Variants in SERPINE3 observed in about 807,000 individuals in gnomAD.
The protein encoded by SERPINE3 is serpin family E member 3, also known as serpin E3.
A neutral mutation model predicts 41.7 loss-of-function variants in SERPINE3; 43 were observed. The observed-to-expected ratio is 1.03, with a 90% CI of 0.81 to 1.33. The LOEUF (loss-of-function observed/expected upper bound fraction) is 1.33, where lower values mean the gene tolerates loss of function less well. Among genes scored for constraint, SERPINE3 ranks in the 40% most tolerant of loss-of-function variants. The probability of loss-of-function intolerance (pLI) is 0.00; values close to 1 mark genes in which losing one functional copy is unlikely to be tolerated. For synonymous variants in SERPINE3, 200 were observed against 192.2 expected, an observed-to-expected ratio of 1.04 and a Z score of -0.34; for missense variants, 440 against 491.7, an observed-to-expected ratio of 0.89 and a Z score of 0.99.
Position 51,341,137 on chromosome 13 carries a change from C to T in SERPINE3, c.46C>T (p.Leu16Phe), listed in dbSNP as rs1566190464. The change falls in exon 3 of 10, where the codon CTC becomes TTC. Residue 16 changes from leucine (L) to phenylalanine (F), a missense_variant. Physicochemically the swap from Leu to Phe is conservative, Grantham distance 22 (BLOSUM62 0). Transcript: ENST00000681248. ...CCTCTTCCTCTTTCACTCTTGCTGC[C>T]TCCGAGCAAATGGCCACCTCCGTGA... ...ITLFLFHSCC[L>F]RANGHLREGM... The T allele has an allele frequency of 6.2e-7, 1 of 1,614,030 alleles. No individual in the cohort carries two copies. The highest frequency in any genetic ancestry group is 1.7e-5 in the Admixed American group (1 of 60,034).
At chr13:51,356,919 C>T (rs770508072) in intron 7 of SERPINE3, among the ~76,000 whole-genome samples, 2 of 152,040 alleles carry the variant, frequency 1.3e-5, no homozygotes, top group African/African-American at 2.4e-5. Flanking sequence ...ATTCACATTT[C>T]CTACTGACAA....
At chr13:51,347,787 A>G (rs989457266) in intron 5 of SERPINE3, among the ~76,000 whole-genome samples, 1 of 152,102 alleles carries the variant, frequency 6.6e-6, no homozygotes, top group African/African-American at 2.4e-5. Flanking sequence ...CAGGCTGTCT[A>G]CAGTATGCCC....
chr13:51,349,981 ACT>A (rs1033973698), intron 6 of SERPINE3, among the ~76,000 whole-genome samples: 2 of 152,004 alleles, frequency 1.3e-5, no homozygotes, highest in Non-Finnish European at 2.9e-5. Flanking sequence ...AAAAGTAAAA[ACT>A]CTCTTAGGTC....
intron 7 of SERPINE3, among the ~76,000 whole-genome samples, chr13:51,359,818 TCA>T (rs1366241565): frequency 6.6e-6 from 1 of 152,088 alleles, no homozygotes; most frequent in Non-Finnish European, 1.5e-5. Context: ...GCACTGCATT[TCA>T]GTTTGCTTAA....
Position 51,362,220 on chromosome 13 carries a change from CT to C in SERPINE3, c.1171+333del, listed in dbSNP as rs1346636206. ...AGTAAAATAAATTATAAATCTTGCC[CT>C]TTTTTCCCTTTGTCCCCTAGCTTTC... On this transcript the variant is annotated intron_variant, in intron 9 of 9. Coordinates refer to ENST00000681248, the MANE Select transcript of SERPINE3 (RefSeq NM_001386375.1). 15 of 539,614 alleles carry C rather than the reference CT, an allele frequency of 2.8e-5. No homozygotes were observed. In the East Asian group the frequency reaches 5.8e-4, roughly 21 times the overall value. The allele number at this position is 539,614 out of a possible 1,614,324, so 33.4% of individuals were successfully genotyped here. A position where few individuals can be genotyped will look rare whatever the true frequency, so the allele number is the denominator to read the frequency against.
In SERPINE3 at chr13:51,341,151, C is replaced by A; in HGVS notation, c.60C>A (p.Gly20=). 2 of 1,613,934 alleles carry A rather than the reference C, an allele frequency of 1.2e-6. No individual in the cohort carries two copies. The highest frequency in any genetic ancestry group is 1.7e-6 in the Non-Finnish European group (2 of 1,179,794). The change falls in exon 3 of 10, where the codon GGC becomes GGA. Residue 20 remains glycine (G), a synonymous_variant. Coordinates refer to ENST00000681248, the MANE Select transcript of SERPINE3 (RefSeq NM_001386375.1). ...ACTCTTGCTGCCTCCGAGCAAATGG[C>A]CACCTCCGTGAAGGAATGACATTGC... ...LFHSCCLRAN[G]HLREGMTLLK... is the part of the protein sequence containing the mutation.
chr13:51,362,005 T>C (rs761838499), intron 9 of SERPINE3, 112 bp downstream of exon 9: 1 of 1,609,380 alleles, frequency 6.2e-7, no homozygotes, highest in African/African-American at 1.3e-5. Flanking sequence ...TAGCTGTTTT[T>C]ATGGTGCTTC....
intron 7 of SERPINE3, among the ~76,000 whole-genome samples, chr13:51,358,801 T>C (rs759627488): frequency 6.6e-6 from 1 of 152,024 alleles, no homozygotes; most frequent in African/African-American, 2.4e-5. Flanking sequence ...AGGAAGAGTA[T>C]CACCCCTTTG....
chr13:51,362,763 T>C (rs1476536567), intron 9 of SERPINE3: 2 of 152,476 alleles, frequency 1.3e-5, no homozygotes, highest in African/African-American at 4.8e-5. Flanking sequence ...AAGGAAATAC[T>C]GTCAACATCA....
In SERPINE3 at chr13:51,344,397, G is replaced by A. The variant is rs781632840; in HGVS notation, c.402G>A (p.Trp134Ter). 5 of 1,612,142 alleles carry A rather than the reference G, an allele frequency of 3.1e-6. No homozygotes were observed. The Admixed American group carries it at 6.7e-5, about 22-fold the overall frequency. The change falls in exon 4 of 10, where the codon TGG (tryptophan) becomes TGA (stop). Residue 134 changes from tryptophan (W) to a stop codon, truncating the protein, a stop_gained. Transcript: ENST00000681248. LOFTEE classifies it high-confidence loss of function. ...GCTTTGTGGAGCACGTCTCCTGGTGGGCTAACAGCAGCCTGGAACCAGCCG... is the reference window on the plus strand; with the variant it reads ...GCTTTGTGGAGCACGTCTCCTGGTGAGCTAACAGCAGCCTGGAACCAGCCG... ...SPCFVEHVSW[W>*]ANSSLEPADL...
intron 3 of SERPINE3, 52 bp downstream of exon 3, chr13:51,341,399 A>T: frequency 2.7e-6 from 4 of 1,494,994 alleles, no homozygotes; most frequent in Non-Finnish European, 3.6e-6. Context: ...TCACACTCAC[A>T]CTCTCTCCAG....
At chr13:51,358,830 G>A (rs1164313266) in intron 7 of SERPINE3, among the ~76,000 whole-genome samples, 1 of 152,034 alleles carries the variant, frequency 6.6e-6, no homozygotes, top group Admixed American at 6.6e-5. Flanking sequence ...ATAGAATGTT[G>A]TATTGTAGGA....
chr13:51,355,170 T>G, intron 7 of SERPINE3, 27 bp downstream of exon 7: 1 of 1,158,874 alleles, frequency 8.6e-7, no homozygotes, highest in Non-Finnish European at 1.3e-6. Flanking sequence ...TTCCAAACGT[T>G]CTAGCCGTGT....
intron 7 of SERPINE3, among the ~76,000 whole-genome samples, chr13:51,358,823 G>C (rs1013176691): frequency 3.9e-5 from 6 of 152,018 alleles, no homozygotes; most frequent in African/African-American, 1.4e-4. Flanking sequence ...TTTGTATATA[G>C]AATGTTGTAT....
intron 9 of SERPINE3, chr13:51,362,587 G>C (rs1426198201): frequency 6.6e-6 from 1 of 152,446 alleles, no homozygotes; most frequent in East Asian, 1.9e-4. Context: ...GTTAAGAGTT[G>C]TTGGCAAGTC....
chr13:51,350,077 T>C (rs1486063662), intron 6 of SERPINE3, among the ~76,000 whole-genome samples: 1 of 152,164 alleles, frequency 6.6e-6, no homozygotes, highest in African/African-American at 2.4e-5. Context: ...CTCAAATCAC[T>C]CATTCTTCTT....
At chr13:51,343,541 G>A (rs149359371) in intron 3 of SERPINE3, among the ~76,000 whole-genome samples, 267 of 152,352 alleles carry the variant, frequency 1.8e-3, no homozygotes, top group Non-Finnish European at 2.9e-3. Context: ...TGCCATCCAC[G>A]AAGGTGGAAG....
chr13:51,352,139 G>C (rs958774263), intron 6 of SERPINE3, among the ~76,000 whole-genome samples: 1 of 151,842 alleles, frequency 6.6e-6, no homozygotes, highest in African/African-American at 2.4e-5. Context: ...GTCAATTTTT[G>C]CCAAAAATGC....
intron 4 of SERPINE3, among the ~76,000 whole-genome samples, chr13:51,345,215 C>T (rs1353589351): frequency 6.6e-6 from 1 of 152,144 alleles, no homozygotes; most frequent in Non-Finnish European, 1.5e-5. Flanking sequence ...ACAGAAGGCT[C>T]AGCCTCCTGC....
Sources: gnomAD v4.1 joint callset for allele counts (sites outside exome capture counted in the v4.1 genomes callset) on GRCh38, gnomAD v4.1.1 for gene constraint, MANE v1.5 for transcripts, NCBI Gene and HGNC (gene_info 2026-07-23, HGNC 2026-07-21) for gene names.